SMC1B: variants seen among roughly 807,000 people sequenced by gnomAD.
SMC1B encodes the protein structural maintenance of chromosomes protein 1B.
A neutral mutation model predicts 157.9 loss-of-function variants in SMC1B; 60 were observed. The observed-to-expected ratio is 0.38, with a 90% CI of 0.31 to 0.47. The LOEUF (loss-of-function observed/expected upper bound fraction) is 0.47, where lower values mean the gene tolerates loss of function less well. Ranked by LOEUF, SMC1B falls within the 20% of genes least tolerant of loss-of-function variation. SMC1B has a pLI of 0.99. For synonymous variants in SMC1B, 445 were observed against 483.0 expected, an observed-to-expected ratio of 0.92 and a Z score of 1.03; for missense variants, 1,165 against 1,426.2, an observed-to-expected ratio of 0.82 and a Z score of 2.95.
intron 22 of SMC1B, among the ~76,000 whole-genome samples, chr22:45,351,856 T>C (rs1460417458): frequency 6.6e-6 from 1 of 152,222 alleles, no homozygotes; most frequent in Non-Finnish European, 1.5e-5. Context: ...TCTTGATTTG[T>C]TTTACAAAGA....
chr22:45,359,928 TACA>T lies in SMC1B; in HGVS notation c.2736_2738del (p.Val913del), dbSNP rs760144787. 2.5e-6 allele frequency: 4 copies of T among 1,613,790 alleles called. No individual in the cohort carries two copies. Among genetic ancestry groups the T allele is most frequent in the Non-Finnish European group, 3.4e-6 (4 of 1,179,874 alleles). ...TCTGTTCCAGAGAAGTTTGAATACT[TACA>T]ACTTCTTTTTGCAATTTCCCCACTT... is the stretch of plus-strand genomic sequence containing the variant. On this transcript the variant is annotated inframe_deletion, in exon 18 of 25. Coordinates refer to ENST00000357450, the MANE Select transcript of SMC1B (RefSeq NM_148674.5).
At chr22:45,370,699 G>C (rs1395664358) in intron 14 of SMC1B, among the ~76,000 whole-genome samples, 2 of 152,178 alleles carry the variant, frequency 1.3e-5, no homozygotes, top group African/African-American at 4.8e-5. Flanking sequence ...GTCATGGAAA[G>C]TTACAGTTAT....
intron 5 of SMC1B, among the ~76,000 whole-genome samples, chr22:45,401,620 G>A (rs530323968): frequency 1.3e-5 from 2 of 152,344 alleles, no homozygotes; most frequent in African/African-American, 4.8e-5. Context: ...TATGCAAATG[G>A]AATACCTGAT....
chr22:45,364,124 C>T (rs1477916394), intron 15 of SMC1B, among the ~76,000 whole-genome samples: 3 of 152,172 alleles, frequency 2.0e-5, no homozygotes, highest in Admixed American at 6.5e-5. Flanking sequence ...GCTGGAATTA[C>T]AGGCATGAGC....
At chr22:45,348,929 CTT>C (rs1388194636) in intron 23 of SMC1B, among the ~76,000 whole-genome samples, 1 of 151,670 alleles carries the variant, frequency 6.6e-6, no homozygotes, top group Non-Finnish European at 1.5e-5. Context: ...GTCTCAAACT[CTT>C]GGACTCAAGC....
chr22:45,355,279 T>C (rs950705835), intron 19 of SMC1B, among the ~76,000 whole-genome samples, 164 bp from the exon 20 acceptor site: 3 of 152,220 alleles, frequency 2.0e-5, no homozygotes, highest in Admixed American at 1.3e-4. Context: ...GCTGCAATAT[T>C]TGTAGCTTCC....
chr22:45,351,734 G>A, intron 22 of SMC1B, among the ~76,000 whole-genome samples: 1 of 152,106 alleles, frequency 6.6e-6, no homozygotes, highest in African/African-American at 2.4e-5. Context: ...ATTTTCTGTA[G>A]ACACGGGGTC....
At chr22:45,402,998 G>T (rs372315983) in intron 4 of SMC1B, among the ~76,000 whole-genome samples, 2 of 152,134 alleles carry the variant, frequency 1.3e-5, no homozygotes, top group African/African-American at 4.8e-5. Context: ...TTTTTCTACC[G>T]ATAAAACAGG....
chr22:45,406,601 G>A lies in SMC1B; in HGVS notation c.474C>T (p.Ile158=). The A allele has an allele frequency of 6.2e-7, 1 of 1,613,402 alleles. No homozygotes were observed. Among genetic ancestry groups the A allele is most frequent in the Non-Finnish European group, 8.5e-7 (1 of 1,179,852 alleles). The change falls in exon 4 of 25, where the codon ATC becomes ATT. Residue 158 remains isoleucine, a synonymous_variant. Coordinates refer to ENST00000357450, the MANE Select transcript of SMC1B (RefSeq NM_148674.5). Reference sequence around the variant, plus strand: ...CTCCTATAAGCTCTCCTGAAGTGCTGATTTCCTCAAAAAACTGGGTCCTTT... The same window carrying A: ...CTCCTATAAGCTCTCCTGAAGTGCTAATTTCCTCAAAAAACTGGGTCCTTT... ...PKERTQFFEE[I]STSGELIGEY...
chr22:45,413,058 G>C (rs1256981483), intron 1 of SMC1B, among the ~76,000 whole-genome samples: 1 of 38,210 alleles, frequency 2.6e-5, no homozygotes, highest in Non-Finnish European at 4.2e-5. Context: ...CCCCCAGGGT[G>C]GGGGGCGAGG....
At chr22:45,413,189 C>T (rs1363010727) in intron 1 of SMC1B, among the ~76,000 whole-genome samples, 1 of 151,544 alleles carries the variant, frequency 6.6e-6, no homozygotes, top group Non-Finnish European at 1.5e-5. Flanking sequence ...CGAGGCGGGG[C>T]CGAGTGGAAG....
chr22:45,358,000 C>G (rs979344304), intron 19 of SMC1B, among the ~76,000 whole-genome samples: 1 of 152,188 alleles, frequency 6.6e-6, no homozygotes, highest in South Asian at 2.1e-4. Flanking sequence ...AAGATTGAGG[C>G]TGGATCACCA....
chr22:45,360,283 A>C (rs559348627), intron 17 of SMC1B, among the ~76,000 whole-genome samples: 2 of 152,334 alleles, frequency 1.3e-5, no homozygotes, highest in African/African-American at 4.8e-5. Flanking sequence ...GACTCTTAGC[A>C]AAAGAAATCC....
At chr22:45,354,498 C>A (rs1258103780) in intron 20 of SMC1B, among the ~76,000 whole-genome samples, 1 of 152,122 alleles carries the variant, frequency 6.6e-6, no homozygotes, top group Admixed American at 6.5e-5. Context: ...TCAAGCAATT[C>A]TCCTGCCTCA....
Position 45,413,494 on chromosome 22 carries a change from C to T in SMC1B, c.74G>A (p.Arg25Gln), listed in dbSNP as rs768603770. Residue 25 changes from arginine to glutamine, a missense_variant, in exon 1 of 25, where the codon CGG becomes CAG. Physicochemically the swap from Arg to Gln is conservative, Grantham distance 43. Coordinates refer to ENST00000357450, the MANE Select transcript of SMC1B (RefSeq NM_148674.5). ...WRGRQVIGPF[R>Q]RFTCIIGPNG... ...GGGGCCGATGATGCAGGTGAACCTC[C>T]GGAAGGGGCCAATGACCTGGCGGCC... 104 of 1,609,964 alleles carry T rather than the reference C, an allele frequency of 6.5e-5. No individual in the cohort carries two copies. Among genetic ancestry groups the T allele is most frequent in the Non-Finnish European group, 7.6e-5 (90 of 1,178,272 alleles).
At chr22:45,402,265 C>A in intron 5 of SMC1B, 68 bp downstream of exon 5, 1 of 1,021,020 alleles carries the variant, frequency 9.8e-7, no homozygotes, top group South Asian at 1.5e-5. Flanking sequence ...TTCAAAGTGT[C>A]ACTTATATTA....
At chr22:45,380,343 G>C (rs1265440160) in intron 12 of SMC1B, among the ~76,000 whole-genome samples, 1 of 152,098 alleles carries the variant, frequency 6.6e-6, no homozygotes, top group Non-Finnish European at 1.5e-5. Flanking sequence ...GTGAAACTCT[G>C]TGTGTCCTTT....
intron 1 of SMC1B, among the ~76,000 whole-genome samples, chr22:45,412,260 G>A (rs1055075934): frequency 1.3e-5 from 2 of 151,474 alleles, no homozygotes; most frequent in Non-Finnish European, 2.9e-5. Context: ...GAGTGCGGTG[G>A]TGCTATCTTG....
rs2086703299 is a variant in SMC1B, at chr22:45,359,787, A to G, written c.2862+18T>C. The G allele has an allele frequency of 1.9e-6, 3 of 1,608,040 alleles. No homozygotes were observed. Among genetic ancestry groups the G allele is most frequent in the Non-Finnish European group, 2.6e-6 (3 of 1,175,810 alleles). ...TTCCACACAACGGCACATATTTTAC[A>G]GTCATTTGCTAGAATACCTCCACTT... is the stretch of plus-strand genomic sequence containing the variant. On this transcript the variant is annotated intron_variant, in intron 18 of 24. Transcript: ENST00000357450.
Sources: allele counts gnomAD v4.1 joint callset (sites outside exome capture counted in the v4.1 genomes callset), GRCh38; gene constraint gnomAD v4.1.1; transcripts MANE v1.5; gene names NCBI Gene and HGNC (gene_info 2026-07-23, HGNC 2026-07-21).